The following ADGRB3 variants were observed in gnomAD, a reference collection of about 807,000 sequenced individuals.
ADGRB3 encodes adhesion G protein-coupled receptor B3.
ADGRB3 carries 37 observed loss-of-function variants against 193.4 expected under a neutral mutation model. The ratio of observed to expected loss-of-function variants is 0.19; its 90% CI spans 0.15 to 0.25. ADGRB3 has a LOEUF of 0.25. ADGRB3 is among the 10% of genes least tolerant of loss of function. ADGRB3 has a pLI of 1.00. For missense variants in ADGRB3, 1,637 were observed against 1,852.9 expected, an observed-to-expected ratio of 0.88 and a Z score of 2.14; for synonymous variants, 690 against 644.2, an observed-to-expected ratio of 1.07 and a Z score of -1.08.
chr6:68,804,549 A>G (rs1767369080), intron 3 of ADGRB3, among the ~76,000 whole-genome samples: 2 of 152,302 alleles, frequency 1.3e-5, no homozygotes, highest in South Asian at 4.1e-4. Context: ...TCAGCATATT[A>G]TAAGTAATCA....
intron 5 of ADGRB3, among the ~76,000 whole-genome samples, chr6:68,938,180 G>C (rs1767532297): frequency 6.6e-6 from 1 of 151,826 alleles, no homozygotes; most frequent in East Asian, 1.9e-4. Flanking sequence ...AGGCTCAGTG[G>C]AAATCAAACT....
intron 24 of ADGRB3, among the ~76,000 whole-genome samples, chr6:69,333,936 CAAAATAAAATAAAATAAAATAAAATAA>C (rs1768783129): frequency 9.1e-6 from 1 of 110,458 alleles, no homozygotes; most frequent in African/African-American, 3.3e-5. Context: ...TCTCAAAAAA[CAAAATAAAATAAAATAAAATAAAATAA>C]AATAAAATAA....
intron 3 of ADGRB3, among the ~76,000 whole-genome samples, chr6:68,648,849 A>G (rs1455152019): frequency 2.0e-5 from 3 of 151,692 alleles, no homozygotes; most frequent in Non-Finnish European, 2.9e-5. Flanking sequence ...GTTCTCCAAT[A>G]AGATGCATTT....
At chr6:68,676,443 C>CAAAAATTTG (rs1005082089) in intron 3 of ADGRB3, among the ~76,000 whole-genome samples, 1 of 148,080 alleles carries the variant, frequency 6.8e-6, no homozygotes, top group Non-Finnish European at 1.5e-5. Context: ...AAGTTGACTT[C>CAAAAATTTG]AAAAATTTGG....
intron 8 of ADGRB3, among the ~76,000 whole-genome samples, chr6:68,958,890 T>TAATA (rs1768155580): frequency 2.6e-5 from 4 of 151,620 alleles, no homozygotes; most frequent in South Asian, 4.2e-4. Context: ...TGTGTGTGTG[T>TAATA]GTGTGTGTGT....
At chr6:69,266,320 G>A (rs72913031) in intron 20 of ADGRB3, among the ~76,000 whole-genome samples, 7,534 of 151,982 alleles carry the variant, frequency 0.05, 228 homozygotes, top group Non-Finnish European at 0.072. Flanking sequence ...GGTTTCTTTA[G>A]TTCAAAGGAA....
At chr6:69,151,129 C>T (rs1353255665) in intron 17 of ADGRB3, among the ~76,000 whole-genome samples, 1 of 152,222 alleles carries the variant, frequency 6.6e-6, no homozygotes, top group Non-Finnish European at 1.5e-5. Flanking sequence ...CACCAGGTTG[C>T]ATGCCCCACC....
chr6:68,881,367 C>CT (rs1655520363), intron 3 of ADGRB3, among the ~76,000 whole-genome samples: 1 of 151,994 alleles, frequency 6.6e-6, no homozygotes, highest in Admixed American at 6.6e-5. Context: ...CAATATATGC[C>CT]TTTTTTCCAC....
intron 17 of ADGRB3, among the ~76,000 whole-genome samples, chr6:69,123,576 T>C (rs923940166): frequency 6.6e-6 from 1 of 152,132 alleles, no homozygotes; most frequent in African/African-American, 2.4e-5. Flanking sequence ...TAATAAATGC[T>C]ATATAGAAAG....
At position 68,883,407 on chromosome 6, in the gene ADGRB3, G is replaced by A. The variant is rs150265206; in HGVS notation, c.758-47152G>A. On this transcript the variant is annotated intron_variant, in intron 3 of 31. Coordinates refer to ENST00000370598, the MANE Select transcript of ADGRB3 (RefSeq NM_001704.3). ...AAAAGCAGGCTGCAGCACCAGCTGCGGCAATCAGGTTGCGTCTCCTTCCAC... is the reference window on the plus strand; with the variant it reads ...AAAAGCAGGCTGCAGCACCAGCTGCAGCAATCAGGTTGCGTCTCCTTCCAC... 6.2e-4 allele frequency among the ~76,000 whole-genome samples: 94 copies of A among 152,278 alleles called. No individual in the cohort carries two copies. In the East Asian group the frequency reaches 0.013, roughly 21 times the overall value.
intron 17 of ADGRB3, among the ~76,000 whole-genome samples, chr6:69,089,321 T>A (rs1772640864): frequency 6.6e-6 from 1 of 152,210 alleles, no homozygotes; most frequent in Non-Finnish European, 1.5e-5. Flanking sequence ...ACAGGCATAA[T>A]TATTGACTTT....
chr6:69,313,998 C>T (rs1031900297), intron 20 of ADGRB3, among the ~76,000 whole-genome samples: 3 of 151,704 alleles, frequency 2.0e-5, no homozygotes, highest in Admixed American at 6.6e-5. Flanking sequence ...ATTAGTAAAG[C>T]TTTCGTTGAA....
chr6:69,020,543 A>G (rs1418296286), intron 13 of ADGRB3, among the ~76,000 whole-genome samples: 2 of 152,028 alleles, frequency 1.3e-5, no homozygotes, highest in Non-Finnish European at 1.5e-5. Context: ...AAACTGTAAG[A>G]GGTATATTAA....
chr6:68,889,101 CAA>C (rs1253871885), intron 3 of ADGRB3, among the ~76,000 whole-genome samples: 8 of 152,094 alleles, frequency 5.3e-5, no homozygotes, highest in African/African-American at 1.9e-4. Flanking sequence ...CAGGATCAAT[CAA>C]GATAGGTAGA....
At chr6:69,236,539 T>A (rs927724016) in intron 19 of ADGRB3, among the ~76,000 whole-genome samples, 2 of 152,042 alleles carry the variant, frequency 1.3e-5, no homozygotes, top group Admixed American at 1.3e-4. Context: ...CTACCACAAT[T>A]GTTTAAATAA....
At chr6:68,658,320 A>G (rs185971593) in intron 3 of ADGRB3, among the ~76,000 whole-genome samples, 1 of 151,322 alleles carries the variant, frequency 6.6e-6, no homozygotes, top group East Asian at 1.9e-4. Context: ...CTCAAAAAGA[A>G]CTTAGCTTAT....
intron 20 of ADGRB3, among the ~76,000 whole-genome samples, chr6:69,304,084 A>G (rs995269419): frequency 4.0e-5 from 6 of 151,664 alleles, no homozygotes; most frequent in East Asian, 1.9e-4. Flanking sequence ...CAACCAAAAT[A>G]CAAGGGTTTT....
chr6:68,772,887 AAAAAAAAATATATATATATATATATAT>A (rs1173190498), intron 3 of ADGRB3, among the ~76,000 whole-genome samples: 5 of 48,284 alleles, frequency 1.0e-4, no homozygotes, highest in African/African-American at 1.7e-4. Flanking sequence ...ACAAACAAAA[AAAAAAAAATATATATATATATATATAT>A]ATATATATAT....
At chr6:69,137,078 A>ATTTTTTTTTTTTTTTTTTG (rs1193270145) in intron 17 of ADGRB3, among the ~76,000 whole-genome samples, 1 of 121,474 alleles carries the variant, frequency 8.2e-6, no homozygotes, top group Non-Finnish European at 1.7e-5. Flanking sequence ...TTTTTTTTTA[A>ATTTTTTTTTTTTTTTTTTG]TGGTAAGATC....
Sources: allele counts gnomAD v4.1 joint callset (sites outside exome capture counted in the v4.1 genomes callset), GRCh38; gene constraint gnomAD v4.1.1; transcripts MANE v1.5; gene names NCBI Gene and HGNC (gene_info 2026-07-23, HGNC 2026-07-21).